The following USP34 variants were observed in gnomAD, a reference collection of about 807,000 sequenced individuals.
USP34 encodes ubiquitin carboxyl-terminal hydrolase 34.
Under a neutral mutation model 460.3 loss-of-function variants are expected in USP34, and 70 were observed. That is an observed-to-expected ratio of 0.15 (90% CI 0.13 to 0.19). USP34 has a LOEUF of 0.19. Ranked by LOEUF, USP34 falls within the 10% of genes least tolerant of loss-of-function variation. USP34 has a pLI of 1.00. For missense variants in USP34, 3,985 were observed against 4,236.2 expected, an observed-to-expected ratio of 0.94 and a Z score of 1.65; for synonymous variants, 1,647 against 1,405.3, an observed-to-expected ratio of 1.17 and a Z score of -3.85.
chr2:61,229,354 G>A (rs1157635354), intron 59 of USP34, among the ~76,000 whole-genome samples, 194 bp downstream of exon 59: 1 of 150,474 alleles, frequency 6.6e-6, no homozygotes, highest in Non-Finnish European at 1.5e-5. Flanking sequence ...AAGCATGGTG[G>A]TTCATGCCTG....
intron 43 of USP34, among the ~76,000 whole-genome samples, chr2:61,260,018 C>T (rs1688832239): frequency 6.6e-6 from 1 of 152,150 alleles, no homozygotes; most frequent in Non-Finnish European, 1.5e-5. Flanking sequence ...TTAAAAATCA[C>T]TTTCTAGGTT....
At chr2:61,443,195 A>G (rs1218834796) in intron 1 of USP34, among the ~76,000 whole-genome samples, 2 of 152,226 alleles carry the variant, frequency 1.3e-5, no homozygotes, top group Non-Finnish European at 2.9e-5. Flanking sequence ...ACAGCTAGAT[A>G]GGAGGAATAA....
Position 61,325,659 on chromosome 2 carries a change from C to T in USP34, c.2931-202G>A, listed in dbSNP as rs368778848. On this transcript the variant is annotated intron_variant, in intron 20 of 79. Coordinates refer to ENST00000398571, the MANE Select transcript of USP34 (RefSeq NM_014709.4). The stretch of plus-strand genomic sequence containing the variant: ...ACTATTTAATAAATTACACAAATCT[C>T]AAAACTACAACAAAGTTTACTTTCA... Among the ~76,000 whole-genome samples, 30 of 152,162 alleles carry T rather than the reference C, an allele frequency of 2.0e-4. 2 individuals are homozygous for T. In the South Asian group the frequency reaches 6.2e-3, roughly 32 times the overall value.
chr2:61,224,732 T>C (rs947174601), intron 62 of USP34, among the ~76,000 whole-genome samples: 3 of 152,214 alleles, frequency 2.0e-5, no homozygotes, highest in African/African-American at 7.2e-5. Context: ...AAAAAATTTC[T>C]TTTTAGGTAT....
chr2:61,353,375 TTGC>T (rs1439178965), intron 10 of USP34, among the ~76,000 whole-genome samples: 2 of 151,660 alleles, frequency 1.3e-5, no homozygotes, highest in Non-Finnish European at 2.9e-5. Context: ...AGTCCACCTG[TTGC>T]ACTTCCTAGA....
intron 44 of USP34, among the ~76,000 whole-genome samples, chr2:61,258,102 C>T (rs1464862195): frequency 6.6e-6 from 1 of 152,200 alleles, no homozygotes; most frequent in Non-Finnish European, 1.5e-5. Flanking sequence ...GCCTGTGATC[C>T]CAGCACTTTG....
intron 3 of USP34, among the ~76,000 whole-genome samples, chr2:61,397,428 A>T (rs1320215462): frequency 2.1e-5 from 3 of 143,358 alleles, no homozygotes; most frequent in African/African-American, 5.2e-5. Flanking sequence ...GGGAGACAAA[A>T]TGAGGCTCCA....
intron 75 of USP34, among the ~76,000 whole-genome samples, chr2:61,196,068 G>GCTTTT (rs1558460264): frequency 2.1e-5 from 1 of 47,034 alleles, no homozygotes; most frequent in Non-Finnish European, 4.3e-5. Context: ...CACCATGCAC[G>GCTTTT]ATTTTTTTTT....
intron 33 of USP34, among the ~76,000 whole-genome samples, chr2:61,289,672 G>A (rs551149837): frequency 2.0e-5 from 3 of 151,988 alleles, no homozygotes; most frequent in South Asian, 4.1e-4. Context: ...CCGAAAGAAA[G>A]ACAGCAAGAT....
intron 67 of USP34, among the ~76,000 whole-genome samples, chr2:61,216,215 G>A (rs1687392237): frequency 6.6e-6 from 1 of 152,118 alleles, no homozygotes; most frequent in Admixed American, 6.5e-5. Context: ...AGTTTGTTAT[G>A]TGTTTCAAAT....
chr2:61,212,261 C>G (rs1687290649), intron 68 of USP34, among the ~76,000 whole-genome samples: 1 of 152,064 alleles, frequency 6.6e-6, no homozygotes, highest in Non-Finnish European at 1.5e-5. Flanking sequence ...CTCAACAAAT[C>G]TTAAAATACA....
intron 1 of USP34, among the ~76,000 whole-genome samples, chr2:61,450,540 T>C (rs1004039401): frequency 5.3e-5 from 8 of 152,002 alleles, no homozygotes; most frequent in Admixed American, 6.6e-5. Flanking sequence ...GGTAGGGAGA[T>C]CACTTGAGGG....
chr2:61,421,774 AACACACACAC>A (rs34490089), intron 1 of USP34, among the ~76,000 whole-genome samples: 1 of 149,184 alleles, frequency 6.7e-6, no homozygotes, highest in East Asian at 2.1e-4. Context: ...TTACATTTAA[AACACACACAC>A]ACACACACAC....
intron 21 of USP34, among the ~76,000 whole-genome samples, chr2:61,322,559 G>A (rs897802157): frequency 6.6e-6 from 1 of 152,210 alleles, no homozygotes; most frequent in Non-Finnish European, 1.5e-5. Context: ...AAACCCTGGG[G>A]TGGTGCCCTA....
chr2:61,296,333 A>G (rs775255282), intron 30 of USP34, among the ~76,000 whole-genome samples: 1 of 152,120 alleles, frequency 6.6e-6, no homozygotes, highest in Non-Finnish European at 1.5e-5. Flanking sequence ...CCCAACACAC[A>G]TGTGAGGTGG....
rs748181904 is a variant in USP34 at position 61,188,629 on chromosome 2, T to C, written c.10114A>G (p.Met3372Val). The C allele has an allele frequency of 4.3e-6, 7 of 1,614,194 alleles. No homozygotes were observed. The highest frequency in any genetic ancestry group is 5.1e-6 in the Non-Finnish European group (6 of 1,180,034). Reference protein sequence around the residue: ...EHTVDSCISDMKTETREVLTP... With the variant: ...EHTVDSCISDVKTETREVLTP... ...AGGACCTCCCTGGTTTCTGTTTTCA[T>C]GTCACTGATGCAGCTGTCTACAGTG... The change falls in exon 80 of 80, where the codon ATG becomes GTG. Residue 3372 changes from methionine (M) to valine (V), a missense_variant. Around this residue, in one of 14 missense-constraint regions of USP34, gnomAD observed 506 missense variants for 439.0 expected, o/e 1.15. Coordinates refer to ENST00000398571, the MANE Select transcript of USP34 (RefSeq NM_014709.4).
At chr2:61,293,650 T>C in intron 32 of USP34, 100 bp from the exon 33 acceptor site, 1 of 778,232 alleles carries the variant, frequency 1.3e-6, no homozygotes, top group Non-Finnish European at 2.1e-6. Context: ...TTACGTATCT[T>C]TTATTTACAC....
At chr2:61,276,963 T>A (rs1451609361) in intron 41 of USP34, among the ~76,000 whole-genome samples, 1 of 152,150 alleles carries the variant, frequency 6.6e-6, no homozygotes, top group Non-Finnish European at 1.5e-5. Flanking sequence ...CATAACAAAT[T>A]CCTACAATGA....
intron 18 of USP34, among the ~76,000 whole-genome samples, chr2:61,336,330 T>C (rs1451524010): frequency 6.6e-6 from 1 of 152,074 alleles, no homozygotes; most frequent in African/African-American, 2.4e-5. Context: ...TCTTCCTATG[T>C]TTCCAAGGCT....
Sources: allele counts gnomAD v4.1 joint callset (sites outside exome capture counted in the v4.1 genomes callset), GRCh38; gene constraint gnomAD v4.1.1; regional missense constraint gnomAD v4.1.1; transcripts MANE v1.5; gene names NCBI Gene and HGNC (gene_info 2026-07-23, HGNC 2026-07-21).